Variants in WWC2 observed in about 807,000 individuals in gnomAD.
The protein encoded by WWC2 is protein WWC2.
WWC2 carries 101 observed loss-of-function variants against 138.5 expected under a neutral mutation model. That is an observed-to-expected ratio of 0.73 (90% confidence interval 0.62 to 0.86). The LOEUF (loss-of-function observed/expected upper bound fraction) is 0.86. Among genes scored for constraint, WWC2 ranks in the 40% least tolerant of loss-of-function variants. The pLI is 0.00. For synonymous variants in WWC2, 558 were observed against 538.4 expected, an observed-to-expected ratio of 1.04 and a Z score of -0.50; for missense variants, 1,420 against 1,419.4, an observed-to-expected ratio of 1.00 and a Z score of -0.01.
intron 1 of WWC2, among the ~76,000 whole-genome samples, chr4:183,141,220 A>T (rs1387283466): frequency 2.0e-5 from 3 of 152,202 alleles, no homozygotes; most frequent in Non-Finnish European, 4.4e-5. Flanking sequence ...TTAAGGTGTC[A>T]GCAGATTAGG....
At position 183,277,753 on chromosome 4, in the gene WWC2, G is replaced by C. The variant is rs1346321907; in HGVS notation, c.2563-3023G>C. On this transcript the variant is annotated intron_variant, in intron 16 of 22. Transcript: ENST00000403733. Reference sequence around the variant, plus strand: ...CCAGTGATGGTGAGCATTTTTTCATGTGTTTTTTGGCTGCATAAATGTCTT... The same window carrying C: ...CCAGTGATGGTGAGCATTTTTTCATCTGTTTTTTGGCTGCATAAATGTCTT... 4.4e-3 allele frequency among the ~76,000 whole-genome samples: 644 copies of C among 147,864 alleles called. 3 individuals are homozygous for C. The highest frequency in any genetic ancestry group is 0.015 in the African/African-American group (614 of 40,276).
intron 6 of WWC2, among the ~76,000 whole-genome samples, chr4:183,248,132 C>T (rs1017426270): frequency 1.3e-4 from 20 of 152,148 alleles, no homozygotes; most frequent in Admixed American, 1.0e-3. Flanking sequence ...AAACATGTCA[C>T]CACAGGCAGT....
intron 16 of WWC2, among the ~76,000 whole-genome samples, chr4:183,272,041 A>G (rs1258783310): frequency 6.6e-6 from 1 of 152,204 alleles, no homozygotes; most frequent in Non-Finnish European, 1.5e-5. Context: ...CAGCAACCAT[A>G]CTTCAATGTA....
chr4:183,254,070 TG>T (rs1737065937), intron 9 of WWC2, 71 bp downstream of exon 9: 9 of 1,546,322 alleles, frequency 5.8e-6, no homozygotes, highest in Non-Finnish European at 7.8e-6. Context: ...CTATTTTCCC[TG>T]GGTTTGGAAA....
At chr4:183,310,831 G>GT (rs1159549035) in intron 21 of WWC2, among the ~76,000 whole-genome samples, 1 of 24,192 alleles carries the variant, frequency 4.1e-5, no homozygotes, top group Non-Finnish European at 9.7e-5. Flanking sequence ...CTGGCATATT[G>GT]TAAAAAAAAA....
At chr4:183,194,026 C>G (rs1362608537) in intron 2 of WWC2, among the ~76,000 whole-genome samples, 1 of 152,264 alleles carries the variant, frequency 6.6e-6, no homozygotes, top group African/African-American at 2.4e-5. Flanking sequence ...TTTCCATGGC[C>G]ACTGCACCTT....
At chr4:183,170,683 A>G (rs1420356036) in intron 1 of WWC2, among the ~76,000 whole-genome samples, 2 of 152,058 alleles carry the variant, frequency 1.3e-5, no homozygotes, top group African/African-American at 4.8e-5. Context: ...AATAGTCATC[A>G]TGTTGTGATT....
rs147119879 is a variant in WWC2, at chr4:183,115,526, A to G, written c.131+15904A>G. ...GCATTCCCTTTCCTCTGTAACCTGG[A>G]CAGCATCTTTTGACTTTTATCTAAT... On this transcript the variant is annotated intron_variant, in intron 1 of 22. Transcript: ENST00000403733. Among the ~76,000 whole-genome samples the G allele has an allele frequency of 4.3e-3, 660 of 152,230 alleles. 2 individuals carry two copies. The highest frequency in any genetic ancestry group is 0.017 in the Middle Eastern group (5 of 294).
chr4:183,209,283 C>G (rs950361590), intron 4 of WWC2, among the ~76,000 whole-genome samples: 4 of 152,172 alleles, frequency 2.6e-5, no homozygotes, highest in African/African-American at 9.7e-5. Context: ...AAGTCTCACT[C>G]TGTCACCCAG....
At chr4:183,196,086 T>G (rs1340099636) in intron 2 of WWC2, among the ~76,000 whole-genome samples, 2 of 152,142 alleles carry the variant, frequency 1.3e-5, no homozygotes, top group Admixed American at 6.5e-5. Flanking sequence ...TCTCACCACA[T>G]AATGTGGTGC....
At chr4:183,312,562 A>G in intron 22 of WWC2, 94 bp downstream of exon 22, 1 of 1,555,086 alleles carries the variant, frequency 6.4e-7, no homozygotes, top group Non-Finnish European at 8.8e-7. Context: ...TAATATGAGG[A>G]TCCGAGACAG....
chr4:183,258,546 G>A (rs7695317), intron 9 of WWC2, among the ~76,000 whole-genome samples: 54,511 of 151,948 alleles, frequency 0.36, 9,871 homozygotes, highest in South Asian at 0.48. Flanking sequence ...AAAGTGGCTA[G>A]TTTTTATATC....
chr4:183,183,781 T>C (rs1734713139), intron 1 of WWC2, among the ~76,000 whole-genome samples: 1 of 151,310 alleles, frequency 6.6e-6, no homozygotes, highest in African/African-American at 2.4e-5. Flanking sequence ...AGACCCTGTC[T>C]CAAAAAAAAA....
intron 21 of WWC2, among the ~76,000 whole-genome samples, chr4:183,296,605 T>A (rs1738635978): frequency 1.3e-5 from 2 of 152,300 alleles, no homozygotes; most frequent in South Asian, 4.2e-4. Context: ...TGACGATGAT[T>A]AGAATCATCC....
rs538845655 is a variant in WWC2 at position 183,245,623 on chromosome 4, T to C, written c.732+78T>C. The C allele has an allele frequency of 1.3e-5, 18 of 1,421,780 alleles. No individual in the cohort carries two copies. In the East Asian group the frequency reaches 4.9e-4, roughly 39 times the overall value. 88.1% of individuals were successfully genotyped at this position (1,421,780 alleles called of 1,614,324 possible). A position where few individuals can be genotyped will look rare whatever the true frequency, so the allele number is the denominator to read the frequency against. ...GAAACTCTTACTGGGGCAGAAGTGCTCCCTCAGAGTCTGGATGACCCTTCT... is the reference window on the plus strand; with the variant it reads ...GAAACTCTTACTGGGGCAGAAGTGCCCCCTCAGAGTCTGGATGACCCTTCT... On this transcript the variant is annotated intron_variant, in intron 6 of 22. Transcript: ENST00000403733.
chr4:183,261,122 G>T lies in WWC2; in HGVS notation c.1499G>T (p.Gly500Val), dbSNP rs752622312. ...LQEKSGYIPSGPITTIHENEV... is the reference protein window; with the variant it reads ...LQEKSGYIPSVPITTIHENEV... ...GAGAAAAGCGGTTACATTCCTTCTGGACCCATCACCACCATCCATGAAAAC... is the reference window on the plus strand; with the variant it reads ...GAGAAAAGCGGTTACATTCCTTCTGTACCCATCACCACCATCCATGAAAAC... Residue 500 changes from glycine to valine, a missense_variant, in exon 11 of 23, where the codon GGA (glycine) becomes GTA (valine). Physicochemically the swap from Gly to Val is moderately radical, Grantham distance 109 (BLOSUM62 -3). Coordinates refer to ENST00000403733, the MANE Select transcript of WWC2 (RefSeq NM_024949.6). The T allele has an allele frequency of 6.2e-7, 1 of 1,613,856 alleles. No homozygotes were observed. Among genetic ancestry groups the T allele is most frequent in the South Asian group, 1.1e-5 (1 of 91,060 alleles).
chr4:183,150,288 G>T (rs573560672), intron 1 of WWC2, among the ~76,000 whole-genome samples: 4 of 152,240 alleles, frequency 2.6e-5, no homozygotes, highest in African/African-American at 9.6e-5. Context: ...CCTATCGCTT[G>T]CCATTAGTAG....
chr4:183,155,236 G>C (rs1481294632), intron 1 of WWC2, among the ~76,000 whole-genome samples: 1 of 147,664 alleles, frequency 6.8e-6, no homozygotes, highest in Non-Finnish European at 1.5e-5. Context: ...TAGTTGACGT[G>C]GTGAGGACAG....
rs1734043021 is a variant in WWC2, at chr4:183,164,275, TATATATATATATATATA to T, written c.132-29323_132-29307del. Reference sequence around the variant, plus strand: ...GTGATTTGGTGTGCGCATATATATATATATATATATATATATATATATATACATATATATATTATATA... The same window carrying T: ...GTGATTTGGTGTGCGCATATATATATTATATATACATATATATATTATATA... On this transcript the variant is annotated intron_variant, in intron 1 of 22. Coordinates refer to ENST00000403733, the MANE Select transcript of WWC2 (RefSeq NM_024949.6). 0.021 allele frequency among the ~76,000 whole-genome samples: 10 copies of T among 480 alleles called. No homozygotes were observed. The Non-Finnish European group carries it at 0.21, about 10-fold the overall frequency. 0.3% of individuals were successfully genotyped at this position (480 alleles called of 152,430 possible). A position where few individuals can be genotyped will look rare whatever the true frequency, so the allele number is the denominator to read the frequency against.
Sources: allele counts gnomAD v4.1 joint callset (sites outside exome capture counted in the v4.1 genomes callset), GRCh38; gene constraint gnomAD v4.1.1; transcripts MANE v1.5; gene names NCBI Gene and HGNC (gene_info 2026-07-23, HGNC 2026-07-21).